The following DMD variants were observed in gnomAD, a reference collection of about 807,000 sequenced individuals.
The protein encoded by DMD is dystrophin.
In DMD, 63 loss-of-function variants were observed where a neutral mutation model predicts 330.1. The ratio of observed to expected loss-of-function variants is 0.19; its 90% CI spans 0.16 to 0.24. The LOEUF is 0.24. DMD is among the 10% of genes least tolerant of loss of function. The pLI is 1.00. For missense variants in DMD, 3,344 were observed against 2,684.1 expected (o/e 1.25, Z -5.43); for synonymous variants, 1,223 against 959.8 (o/e 1.27, Z -5.07).
intron 2 of DMD, among the ~76,000 whole-genome samples, chrX:33,001,897 A>C (rs927637221): frequency 9.0e-6 from 1 of 111,263 alleles, no homozygotes; most frequent in African/African-American, 3.3e-5. Flanking sequence ...ATTCTCTTTT[A>C]AAATCTCTAC....
chrX:32,256,994 G>T (rs1249896336), intron 43 of DMD, among the ~76,000 whole-genome samples: 1 of 111,075 alleles, frequency 9.0e-6, no homozygotes, highest in Non-Finnish European at 1.9e-5. Context: ...AAAGTGAAAA[G>T]ATCACAAGCA....
At chrX:32,625,752 A>G (rs2058306936) in intron 11 of DMD, among the ~76,000 whole-genome samples, 1 of 112,289 alleles carries the variant, frequency 8.9e-6, no homozygotes, top group South Asian at 3.7e-4. Flanking sequence ...TAACTAATAA[A>G]GGCATAAATG....
At chrX:32,418,950 G>T (rs2098177412) in intron 29 of DMD, among the ~76,000 whole-genome samples, 1 of 76,551 alleles carries the variant, frequency 1.3e-5, no homozygotes, top group Non-Finnish European at 2.4e-5. Flanking sequence ...TACAGTCTGG[G>T]TGACAGAGTG....
intron 30 of DMD, among the ~76,000 whole-genome samples, chrX:32,397,671 C>T (rs1407576946): frequency 9.0e-6 from 1 of 111,188 alleles, no homozygotes; most frequent in Non-Finnish European, 1.9e-5. Context: ...AATTATAGAA[C>T]CAAAAAATCA....
At chrX:31,276,412 T>C in intron 62 of DMD, among the ~76,000 whole-genome samples, 1 of 111,802 alleles carries the variant, frequency 8.9e-6, no homozygotes, top group South Asian at 3.8e-4. Context: ...AATTTTGCTA[T>C]GCATACCCAC....
In DMD at chrX:31,233,044, T is replaced by G. The variant is rs951104051; in HGVS notation, c.9287-9923A>C. Among the ~76,000 whole-genome samples, 3 of 111,977 alleles carry G rather than the reference T, an allele frequency of 2.7e-5. No individual in the cohort carries two copies. The Admixed American group carries it at 2.9e-4, about 11-fold the overall frequency. On this transcript the variant is annotated intron_variant, in intron 63 of 78. Transcript: ENST00000357033. Reference sequence around the variant, plus strand: ...TTGTTCCTCAATTATCATCCCTATATATCATATTCTTCATGCTGCAGTTAC... The same window carrying G: ...TTGTTCCTCAATTATCATCCCTATAGATCATATTCTTCATGCTGCAGTTAC...
intron 55 of DMD, among the ~76,000 whole-genome samples, chrX:31,600,854 AACG>A (rs1222854096): frequency 9.4e-6 from 1 of 106,904 alleles, no homozygotes; most frequent in Non-Finnish European, 1.9e-5. Context: ...TCTCCCCAAC[AACG>A]GCTTCAGGTC....
intron 51 of DMD, among the ~76,000 whole-genome samples, chrX:31,756,463 TACACACAC>T (rs58167942): frequency 1.0e-4 from 11 of 106,774 alleles, no homozygotes; most frequent in Admixed American, 1.0e-4. Context: ...CGTGTATGTG[TACACACAC>T]ACACACACAC....
chrX:31,770,205 T>C (rs1395310933), intron 51 of DMD, among the ~76,000 whole-genome samples: 1 of 112,647 alleles, frequency 8.9e-6, no homozygotes, highest in Non-Finnish European at 1.9e-5. Context: ...TGATTTCTGT[T>C]GCTTGCATCC....
chrX:33,140,585 T>G (rs1251875035), intron 1 of DMD, among the ~76,000 whole-genome samples: 1 of 112,511 alleles, frequency 8.9e-6, no homozygotes, highest in Non-Finnish European at 1.9e-5. Flanking sequence ...GGAATTGGAC[T>G]AAATAACTTT....
intron 44 of DMD, among the ~76,000 whole-genome samples, chrX:32,051,620 G>A (rs769806481): frequency 6.0e-4 from 65 of 108,353 alleles, no homozygotes; most frequent in Non-Finnish European, 1.0e-3. Context: ...CCTTAAGAAC[G>A]GCTCAATGAT....
chrX:32,799,473 G>C (rs925145784), intron 7 of DMD, among the ~76,000 whole-genome samples: 9 of 111,081 alleles, frequency 8.1e-5, no homozygotes, highest in African/African-American at 2.9e-4. Flanking sequence ...ATATTCAAAA[G>C]ACATCTAGAA....
chrX:31,376,381 T>C (rs987682846), intron 60 of DMD, among the ~76,000 whole-genome samples: 1 of 112,016 alleles, frequency 8.9e-6, no homozygotes. Flanking sequence ...TGACACAGAT[T>C]CTCTGCTTGG....
At chrX:32,425,664 CAG>C (rs749390104) in intron 29 of DMD, among the ~76,000 whole-genome samples, 2 of 111,333 alleles carry the variant, frequency 1.8e-5, no homozygotes, top group African/African-American at 6.5e-5. Context: ...CTTTGGAACA[CAG>C]AGACTATATT....
intron 13 of DMD, among the ~76,000 whole-genome samples, chrX:32,578,399 A>G (rs1421255344): frequency 8.9e-6 from 1 of 112,065 alleles, no homozygotes; most frequent in Non-Finnish European, 1.9e-5. Flanking sequence ...CTCAGCAGTA[A>G]GTGAAGCTAA....
chrX:31,357,378 G>GGA (rs1450549266), intron 60 of DMD, among the ~76,000 whole-genome samples: 9 of 81,326 alleles, frequency 1.1e-4, no homozygotes, highest in African/African-American at 4.1e-4. Context: ...GGTATTGTCC[G>GGA]AAAAAAAAAA....
At chrX:32,090,146 A>G (rs1214576437) in intron 44 of DMD, among the ~76,000 whole-genome samples, 2 of 112,065 alleles carry the variant, frequency 1.8e-5, no homozygotes, top group Non-Finnish European at 3.8e-5. Flanking sequence ...CATAAAGTTA[A>G]TAAACAGAGA....
chrX:31,483,040 C>CTTTTTTTTTTTTTTT (rs375059694), intron 57 of DMD, among the ~76,000 whole-genome samples: 1 of 70,738 alleles, frequency 1.4e-5, no homozygotes, highest in African/African-American at 5.2e-5. Flanking sequence ...GGAAATGGAT[C>CTTTTTTTTTTTTTTT]TTTTTTTTTT....
At chrX:32,935,006 G>A (rs182128453) in intron 2 of DMD, among the ~76,000 whole-genome samples, 45 of 113,205 alleles carry the variant, frequency 4.0e-4, no homozygotes, top group Admixed American at 3.8e-3. Flanking sequence ...CGGCTCTGGA[G>A]TGAGTGCACT....
Sources: allele counts gnomAD v4.1 joint callset (sites outside exome capture counted in the v4.1 genomes callset), GRCh38; gene constraint gnomAD v4.1.1; transcripts MANE v1.5; gene names NCBI Gene and HGNC (gene_info 2026-07-23, HGNC 2026-07-21).